Variants in PRND observed in about 807,000 individuals in gnomAD.
The protein encoded by PRND is prion-like protein doppel.
For missense variants in PRND, 227 were observed against 223.3 expected, an observed-to-expected ratio of 1.02 and a Z score of -0.11; for synonymous variants, 94 against 93.2, an observed-to-expected ratio of 1.01 and a Z score of -0.05.
In PRND at chr20:4,727,532, T is replaced by G. The variant is rs1923310239; in HGVS notation, c.*2450T>G. On this transcript the variant is annotated 3_prime_UTR_variant, in exon 2 of 2. Coordinates refer to ENST00000305817, the MANE Select transcript of PRND (RefSeq NM_012409.4). ...GTGCATAATTTTGCCAACCGTTGCT[T>G]TCGTAGCCCCTGCTAAGTGTTGACT... 6.0e-6 allele frequency: 1 copy of G among 167,064 alleles called. No individual in the cohort carries two copies. Among genetic ancestry groups the G allele is most frequent in the South Asian group, 2.1e-4 (1 of 4,822 alleles). 10.3% of individuals were successfully genotyped at this position (167,064 alleles called of 1,614,324 possible).
Position 4,725,191 on chromosome 20 carries a change from C to G in PRND, c.*109C>G. 1 of 1,384,154 alleles carries G rather than the reference C, an allele frequency of 7.2e-7. No individual in the cohort carries two copies. The highest frequency in any genetic ancestry group is 9.9e-7 in the Non-Finnish European group (1 of 1,007,952). The allele number at this position is 1,384,154 out of a possible 1,614,324, so 85.7% of individuals were successfully genotyped here. A position where few individuals can be genotyped will look rare whatever the true frequency, so the allele number is the denominator to read the frequency against. On this transcript the variant is annotated 3_prime_UTR_variant, in exon 2 of 2. Coordinates refer to ENST00000305817, the MANE Select transcript of PRND (RefSeq NM_012409.4). ...GTGTTCTGAAGGTGCCCAGGAGCGG[C>G]GATGCACTCGCACTGCAAATGCCGC...
Position 4,724,698 on chromosome 20 carries a change from C to T in PRND, c.147C>T (p.Ala49=), listed in dbSNP as rs1347334476. The change falls in exon 2 of 2, where the codon GCC becomes GCT. Residue 49 remains alanine (A), a synonymous_variant. Transcript: ENST00000305817. The surrounding 1 kb of genome is among the most constrained non-coding windows in gnomAD (Gnocchi z 4.8). ...CCAGCACTGCCCAGATCACTGAGGC[C>T]CAGGTGGCTGAGAACCGCCCGGGAG... is the stretch of plus-strand genomic sequence containing the variant. The part of the protein sequence containing the change: ...ALPSTAQITE[A]QVAENRPGAF... The T allele has an allele frequency of 6.2e-7, 1 of 1,614,182 alleles. No individual in the cohort carries two copies. Among genetic ancestry groups the T allele is most frequent in the Non-Finnish European group, 8.5e-7 (1 of 1,180,038 alleles).
Position 4,724,516 on chromosome 20 carries a change from T to C in PRND, c.-11-25T>C. ...AGCCCAGGCAGGCCTGGTGGGGAGC[T>C]GACCCACCGCCGTTTCTCTGGCAGG... On this transcript the variant is annotated intron_variant, in intron 1 of 1. Coordinates refer to ENST00000305817, the MANE Select transcript of PRND (RefSeq NM_012409.4). The surrounding 1 kb of genome is among the most constrained non-coding windows in gnomAD (Gnocchi z 4.8). 1 of 1,613,366 alleles carries C rather than the reference T, an allele frequency of 6.2e-7. No homozygotes were observed. The highest frequency in any genetic ancestry group is 8.5e-7 in the Non-Finnish European group (1 of 1,179,968).
At position 4,727,414 on chromosome 20, in the gene PRND, T is replaced by C. The variant is rs2122266344; in HGVS notation, c.*2332T>C. ...GGGTGGAATAAAGGCTGAGTTTAGT[T>C]TTTCACTTTAGCAAAGGGGCAATGG... On this transcript the variant is annotated 3_prime_UTR_variant, in exon 2 of 2. Transcript: ENST00000305817. The C allele has an allele frequency of 1.2e-5, 2 of 167,180 alleles. No homozygotes were observed. The highest frequency in any genetic ancestry group is 6.8e-3 in the Middle Eastern group (2 of 296). The allele number at this position is 167,180 out of a possible 1,614,324, so 10.4% of individuals were successfully genotyped here.
rs1298095486 is a variant in PRND, at chr20:4,727,587, A to G, written c.*2505A>G. 1 of 167,078 alleles carries G rather than the reference A, an allele frequency of 6.0e-6. No homozygotes were observed. Among genetic ancestry groups the G allele is most frequent in the African/African-American group, 2.4e-5 (1 of 41,454 alleles). The allele number at this position is 167,078 out of a possible 1,614,324, so 10.3% of individuals were successfully genotyped here. On this transcript the variant is annotated 3_prime_UTR_variant, in exon 2 of 2. Transcript: ENST00000305817. ...AAAATATAAGTTTATTGTAAAAGTG[A>G]CATGAAAATTACAACAGATATTCCA...
At position 4,727,489 on chromosome 20, in the gene PRND, A is replaced by ATATCGTCATT. The variant is rs1472802541; in HGVS notation, c.*2409_*2418dup. 1.4e-4 allele frequency: 24 copies of ATATCGTCATT among 167,060 alleles called. No individual in the cohort carries two copies. The highest frequency in any genetic ancestry group is 2.9e-4 in the Non-Finnish European group (20 of 68,122). 10.3% of individuals were successfully genotyped at this position (167,060 alleles called of 1,614,324 possible). ...GGGAGGGGCTTCTGAATTATTCTGG[A>ATATCGTCATT]TATCGTCATTTTGCAGTGTGCATAA... is the stretch of plus-strand genomic sequence containing the variant. On this transcript the variant is annotated 3_prime_UTR_variant, in exon 2 of 2. Transcript: ENST00000305817.
At position 4,724,864 on chromosome 20, in the gene PRND, G is replaced by A; in HGVS notation, c.313G>A (p.Val105Ile). ...SEANVTKEAF[V>I]TGCINATQAA... ...GGCTAATGTGACCAAGGAGGCATTTGTCACCGGCTGCATCAATGCCACCCA... is the reference window on the plus strand; with the variant it reads ...GGCTAATGTGACCAAGGAGGCATTTATCACCGGCTGCATCAATGCCACCCA... Residue 105 changes from valine to isoleucine, a missense_variant, in exon 2 of 2, where the codon GTC becomes ATC. By Grantham distance (29) the Val-to-Ile change is conservative. Transcript: ENST00000305817. The surrounding 1 kb of genome is among the most constrained non-coding windows in gnomAD (Gnocchi z 4.8). 6.2e-7 allele frequency: 1 copy of A among 1,614,222 alleles called. No homozygotes were observed. Among genetic ancestry groups the A allele is most frequent in the Non-Finnish European group, 8.5e-7 (1 of 1,180,042 alleles).
chr20:4,725,281 A>G lies in PRND; in HGVS notation c.*199A>G, dbSNP rs749318410. The G allele has an allele frequency of 6.6e-5, 43 of 656,462 alleles. No homozygotes were observed. The highest frequency in any genetic ancestry group is 9.2e-5 in the Non-Finnish European group (35 of 378,514). The allele number at this position is 656,462 out of a possible 1,614,324, so 40.7% of individuals were successfully genotyped here. On this transcript the variant is annotated 3_prime_UTR_variant, in exon 2 of 2. Coordinates refer to ENST00000305817, the MANE Select transcript of PRND (RefSeq NM_012409.4). The stretch of plus-strand genomic sequence containing the variant: ...GATGGGGGACTGTGGCTTCTCCGTC[A>G]CTCCATTCTCAGCCCCTAGCAGAGC...
chr20:4,724,488 G>A lies in PRND; in HGVS notation c.-11-53G>A. The A allele has an allele frequency of 6.2e-7, 1 of 1,606,004 alleles. No homozygotes were observed. Among genetic ancestry groups the A allele is most frequent in the Non-Finnish European group, 8.5e-7 (1 of 1,174,088 alleles). Reference sequence around the variant, plus strand: ...ATCTCCTGCACTTGGGAGGGGGCAGGGGAGCCCAGGCAGGCCTGGTGGGGA... The same window carrying A: ...ATCTCCTGCACTTGGGAGGGGGCAGAGGAGCCCAGGCAGGCCTGGTGGGGA... On this transcript the variant is annotated intron_variant, in intron 1 of 1. Coordinates refer to ENST00000305817, the MANE Select transcript of PRND (RefSeq NM_012409.4). The surrounding 1 kb of genome is among the most constrained non-coding windows in gnomAD (Gnocchi z 4.8).
intron 1 of PRND, among the ~76,000 whole-genome samples, chr20:4,723,359 C>A (rs182878459): frequency 2.0e-5 from 3 of 152,152 alleles, no homozygotes; most frequent in Non-Finnish European, 4.4e-5. Flanking sequence ...GAGCTTAACA[C>A]GGTGGCAGGC....
intron 1 of PRND, among the ~76,000 whole-genome samples, chr20:4,722,561 A>G (rs1239475643): frequency 6.6e-6 from 1 of 151,522 alleles, no homozygotes; most frequent in African/African-American, 2.4e-5. Flanking sequence ...TCTAGAGATC[A>G]CTTCAGCTGT....
In PRND at chr20:4,725,135, G is replaced by C; in HGVS notation, c.*53G>C. 1 of 1,573,884 alleles carries C rather than the reference G, an allele frequency of 6.4e-7. No individual in the cohort carries two copies. Among genetic ancestry groups the C allele is most frequent in the Non-Finnish European group, 8.6e-7 (1 of 1,159,366 alleles). On this transcript the variant is annotated 3_prime_UTR_variant, in exon 2 of 2. Coordinates refer to ENST00000305817, the MANE Select transcript of PRND (RefSeq NM_012409.4). ...TGCAGCAGCGAGCAAATCCTGGCAA[G>C]TGACCCAGCTCTTCTCCCCCAAACC...
Position 4,724,682 on chromosome 20 carries a change from C to T in PRND, c.131C>T (p.Ala44Val). 1.2e-6 allele frequency: 2 copies of T among 1,614,200 alleles called. No homozygotes were observed. Among genetic ancestry groups the T allele is most frequent in the Middle Eastern group, 1.6e-4 (1 of 6,062 alleles). The change falls in exon 2 of 2, where the codon GCC (alanine) becomes GTC (valine). Residue 44 changes from alanine (A) to valine (V), a missense_variant. Transcript: ENST00000305817. The surrounding 1 kb of genome is among the most constrained non-coding windows in gnomAD (Gnocchi z 4.8). ...KWNRKALPST[A>V]QITEAQVAEN... ...AACCGGAAGGCCCTGCCCAGCACTG[C>T]CCAGATCACTGAGGCCCAGGTGGCT...
In PRND at chr20:4,725,096, C is replaced by T. The variant is rs1923224750; in HGVS notation, c.*14C>T. The T allele has an allele frequency of 1.9e-6, 3 of 1,611,320 alleles. No homozygotes were observed. The highest frequency in any genetic ancestry group is 2.2e-5 in the South Asian group (2 of 90,628). On this transcript the variant is annotated 3_prime_UTR_variant, in exon 2 of 2. Transcript: ENST00000305817. The stretch of plus-strand genomic sequence containing the variant: ...ACGGTGAAATAAGCTTGCCAGGAGG[C>T]TGGCAGTACAGAGTGCAGCAGCGAG...
chr20:4,723,887 A>G (rs1457091255), intron 1 of PRND, among the ~76,000 whole-genome samples: 1 of 151,742 alleles, frequency 6.6e-6, no homozygotes, highest in African/African-American at 2.4e-5. Context: ...AGCTATGATC[A>G]TGCCACTGCA....
In PRND at chr20:4,725,009, C is replaced by A. The variant is rs1302802388; in HGVS notation, c.458C>A (p.Ala153Glu). 1 of 1,613,504 alleles carries A rather than the reference C, an allele frequency of 6.2e-7. No individual in the cohort carries two copies. Among genetic ancestry groups the A allele is most frequent in the Non-Finnish European group, 8.5e-7 (1 of 1,179,938 alleles). The change falls in exon 2 of 2, where the codon GCA becomes GAA. Residue 153 changes from alanine (A) to glutamate (E), a missense_variant. Physicochemically the swap from Ala to Glu is moderately radical, Grantham distance 107 (BLOSUM62 -1). Coordinates refer to ENST00000305817, the MANE Select transcript of PRND (RefSeq NM_012409.4). ...KHCEFWLERGAGLRVTMHQPV... is the reference protein window; with the variant it reads ...KHCEFWLERGEGLRVTMHQPV... ...TGCGAGTTTTGGTTGGAGAGGGGCG[C>A]AGGACTTCGGGTCACCATGCACCAG...
At position 4,727,792 on chromosome 20, in the gene PRND, A is replaced by ATTTTTTTTTTTTTTTT. The variant is rs1555784206; in HGVS notation, c.*2710_*2711insTTTTTTTTTTTTTTTT. The ATTTTTTTTTTTTTTTT allele has an allele frequency of 5.9e-5, 6 of 101,664 alleles. No homozygotes were observed. The highest frequency in any genetic ancestry group is 9.9e-5 in the African/African-American group (2 of 20,266). The allele number at this position is 101,664 out of a possible 1,614,324, so 6.3% of individuals were successfully genotyped here. ...CAATGCTTTCTACTCATTTTTCTAT[A>ATTTTTTTTTTTTTTTT]CTTTTTTTTTTGAGGCAGAGTCTCA... On this transcript the variant is annotated 3_prime_UTR_variant, in exon 2 of 2. Coordinates refer to ENST00000305817, the MANE Select transcript of PRND (RefSeq NM_012409.4).
At chr20:4,722,412 G>A (rs970179373) in intron 1 of PRND, among the ~76,000 whole-genome samples, 2 of 151,978 alleles carry the variant, frequency 1.3e-5, no homozygotes, top group Non-Finnish European at 2.9e-5. Context: ...TGAGTTCACT[G>A]TGCTCAGGAG....
chr20:4,724,411 T>C lies in PRND; in HGVS notation c.-11-130T>C, dbSNP rs1335267785. The C allele has an allele frequency of 8.3e-7, 1 of 1,209,862 alleles. No individual in the cohort carries two copies. The highest frequency in any genetic ancestry group is 1.2e-6 in the Non-Finnish European group (1 of 834,120). 74.9% of individuals were successfully genotyped at this position (1,209,862 alleles called of 1,614,324 possible). Reference sequence around the variant, plus strand: ...GCACAACCCAAACATGGGGAAACAATTATGCTTTTGAGACCACATAAATAG... The same window carrying C: ...GCACAACCCAAACATGGGGAAACAACTATGCTTTTGAGACCACATAAATAG... On this transcript the variant is annotated intron_variant, in intron 1 of 1. Transcript: ENST00000305817. This position sits in a 1 kb window ranked among gnomAD's most constrained non-coding sequence, Gnocchi z 4.8.
Sources: gnomAD v4.1 joint callset for allele counts (sites outside exome capture counted in the v4.1 genomes callset) on GRCh38, gnomAD v4.1.1 for gene constraint, Gnocchi (gnomAD v3.1) non-coding constraint, MANE v1.5 for transcripts, NCBI Gene and HGNC (gene_info 2026-07-23, HGNC 2026-07-21) for gene names.